Variants in LRRC3B observed in about 807,000 individuals in gnomAD.
The protein encoded by LRRC3B is leucine-rich repeat-containing protein 3B.
In LRRC3B, 2 loss-of-function variants were observed where a neutral mutation model predicts 12.8. The ratio of observed to expected loss-of-function variants is 0.16; its 90% CI spans 0.06 to 0.49. The LOEUF is 0.49. Among genes scored for constraint, LRRC3B ranks in the 20% least tolerant of loss-of-function variants. LRRC3B has a pLI of 0.96. For synonymous variants in LRRC3B, 132 were observed against 122.0 expected (o/e 1.08, Z -0.54); for missense variants, 189 against 319.4 (o/e 0.59, Z 3.11).
intron 1 of LRRC3B, among the ~76,000 whole-genome samples, chr3:26,635,735 G>A (rs556499177): frequency 1.5e-4 from 23 of 152,342 alleles, no homozygotes; most frequent in Non-Finnish European, 3.1e-4. Flanking sequence ...CACCTTGTAA[G>A]CATCTCTTGG....
At chr3:26,696,567 C>A (rs1343900790) in intron 1 of LRRC3B, among the ~76,000 whole-genome samples, 2 of 152,120 alleles carry the variant, frequency 1.3e-5, no homozygotes, top group Non-Finnish European at 2.9e-5. Context: ...AGGACTGTTC[C>A]TTCTTGAACC....
intron 1 of LRRC3B, among the ~76,000 whole-genome samples, chr3:26,641,308 G>A (rs1000707468): frequency 6.6e-6 from 1 of 152,190 alleles, no homozygotes; most frequent in Non-Finnish European, 1.5e-5. Context: ...CTAGGAAACT[G>A]GGGGTGGAGA....
chr3:26,640,984 T>C lies in LRRC3B; in HGVS notation c.-161+17747T>C, dbSNP rs1575119041. 3.3e-5 allele frequency among the ~76,000 whole-genome samples: 5 copies of C among 152,172 alleles called. No individual in the cohort carries two copies. The South Asian group carries it at 1.0e-3, about 32-fold the overall frequency. On this transcript the variant is annotated intron_variant, in intron 1 of 1. Transcript: ENST00000396641. Reference sequence around the variant, plus strand: ...TGACATAGAATAATACATTTATTACTAGAATAAACAGACTTTCTACAGTTG... The same window carrying C: ...TGACATAGAATAATACATTTATTACCAGAATAAACAGACTTTCTACAGTTG...
chr3:26,687,207 G>A (rs1376904850), intron 1 of LRRC3B, among the ~76,000 whole-genome samples: 1 of 152,046 alleles, frequency 6.6e-6, no homozygotes, highest in African/African-American at 2.4e-5. Flanking sequence ...TACATGTGTT[G>A]GAAACAGTGG....
At chr3:26,668,629 G>A (rs1398808064) in intron 1 of LRRC3B, among the ~76,000 whole-genome samples, 1 of 152,098 alleles carries the variant, frequency 6.6e-6, no homozygotes, top group Non-Finnish European at 1.5e-5. Context: ...TTTTAATGTG[G>A]CAGCATTGAG....
intron 1 of LRRC3B, among the ~76,000 whole-genome samples, chr3:26,707,296 C>A (rs967397186): frequency 6.6e-6 from 1 of 150,394 alleles, no homozygotes; most frequent in African/African-American, 2.5e-5. Context: ...ACCTGGCAGG[C>A]GGAGATTTGC....
chr3:26,673,638 G>C lies in LRRC3B; in HGVS notation c.-160-35875G>C, dbSNP rs570299687. On this transcript the variant is annotated intron_variant, in intron 1 of 1. Coordinates refer to ENST00000396641, the Ensembl canonical transcript of LRRC3B. The stretch of plus-strand genomic sequence containing the variant: ...CCTGACATAGCATGAAGTGGAAGCA[G>C]TGCCCTCCATCTTGCTTCTTGGCTT... Among the ~76,000 whole-genome samples, 3 of 152,268 alleles carry C rather than the reference G, an allele frequency of 2.0e-5. No homozygotes were observed. The East Asian group carries it at 5.8e-4, about 29-fold the overall frequency.
At chr3:26,636,236 TA>T (rs66936017) in intron 1 of LRRC3B, among the ~76,000 whole-genome samples, 3 of 152,026 alleles carry the variant, frequency 2.0e-5, no homozygotes, top group African/African-American at 4.8e-5. Context: ...AGAAGTCCTT[TA>T]AAAAAAAGAG....
chr3:26,685,004 A>G lies in LRRC3B; in HGVS notation c.-160-24509A>G, dbSNP rs538057956. Among the ~76,000 whole-genome samples, 3 of 152,190 alleles carry G rather than the reference A, an allele frequency of 2.0e-5. No homozygotes were observed. In the East Asian group the frequency reaches 5.8e-4, roughly 29 times the overall value. ...GTTTTGCTCTTGTTGCCCAGGCTGG[A>G]GTGCAGTGGTGCGATCTCAGCTCAC... On this transcript the variant is annotated intron_variant, in intron 1 of 1. Transcript: ENST00000396641.
chr3:26,684,116 T>A (rs1013706229), intron 1 of LRRC3B, among the ~76,000 whole-genome samples: 1 of 152,226 alleles, frequency 6.6e-6, no homozygotes, highest in Admixed American at 6.5e-5. Flanking sequence ...GATGAACAAT[T>A]CCTTGGAATC....
intron 1 of LRRC3B, among the ~76,000 whole-genome samples, chr3:26,657,471 A>G (rs1440582608): frequency 6.6e-6 from 1 of 152,220 alleles, no homozygotes; most frequent in Non-Finnish European, 1.5e-5. Context: ...CTGGGATGGA[A>G]CATGGAACTC....
At chr3:26,659,986 C>T (rs887310311) in intron 1 of LRRC3B, among the ~76,000 whole-genome samples, 2 of 152,102 alleles carry the variant, frequency 1.3e-5, no homozygotes, top group Admixed American at 6.6e-5. Context: ...TTGCCTTATC[C>T]CAGCAAATTT....
intron 1 of LRRC3B, among the ~76,000 whole-genome samples, chr3:26,689,822 G>T (rs1180192402): frequency 6.6e-6 from 1 of 152,218 alleles, no homozygotes; most frequent in African/African-American, 2.4e-5. Flanking sequence ...GCCCACAGCT[G>T]TAACAGTCAG....
At chr3:26,689,369 C>T (rs532181047) in intron 1 of LRRC3B, among the ~76,000 whole-genome samples, 2 of 152,288 alleles carry the variant, frequency 1.3e-5, no homozygotes, top group Admixed American at 6.5e-5. Context: ...GCATCTGGGA[C>T]ACCAGGACCA....
intron 1 of LRRC3B, among the ~76,000 whole-genome samples, chr3:26,659,870 A>ACGCCTC (rs897670416): frequency 1.3e-5 from 2 of 152,134 alleles, no homozygotes; most frequent in African/African-American, 4.8e-5. Context: ...TGATTCTCTA[A>ACGCCTC]CGCCTCCTGT....
At chr3:26,667,826 C>T (rs948911201) in intron 1 of LRRC3B, among the ~76,000 whole-genome samples, 1 of 151,980 alleles carries the variant, frequency 6.6e-6, no homozygotes, top group Non-Finnish European at 1.5e-5. Flanking sequence ...AGAGGATGAG[C>T]CCGGGCATTG....
chr3:26,709,413 C>T, intron 1 of LRRC3B, 100 bp from the exon 2 acceptor site: 2 of 490,888 alleles, frequency 4.1e-6, no homozygotes, highest in Non-Finnish European at 7.3e-6. Flanking sequence ...ATAACTAACC[C>T]CCCTGCTCAA....
intron 1 of LRRC3B, among the ~76,000 whole-genome samples, chr3:26,687,841 G>A (rs1700116784): frequency 6.6e-6 from 1 of 152,230 alleles, no homozygotes; most frequent in Non-Finnish European, 1.5e-5. Context: ...ATCAAGGGTT[G>A]AGATAATCCA....
At chr3:26,697,858 GGT>G (rs1247881263) in intron 1 of LRRC3B, among the ~76,000 whole-genome samples, 1 of 152,090 alleles carries the variant, frequency 6.6e-6, no homozygotes, top group African/African-American at 2.4e-5. Context: ...GTACATAGAA[GGT>G]GCCCACAAAA....
Sources: allele counts gnomAD v4.1 joint callset (sites outside exome capture counted in the v4.1 genomes callset), GRCh38; gene constraint gnomAD v4.1.1; transcripts MANE v1.5; gene names NCBI Gene and HGNC (gene_info 2026-07-23, HGNC 2026-07-21).